MRTFB: variants seen among roughly 807,000 people sequenced by gnomAD.
MRTFB encodes myocardin-related transcription factor B.
In MRTFB, 29 loss-of-function variants were observed where a neutral mutation model predicts 104.2. The observed-to-expected ratio is 0.28, with a 90% CI of 0.21 to 0.38. The LOEUF is 0.38. Ranked by LOEUF, MRTFB falls within the 10% of genes least tolerant of loss-of-function variation. The probability of loss-of-function intolerance (pLI) is 1.00; values close to 1 mark genes in which losing one functional copy is unlikely to be tolerated. For missense variants in MRTFB, 1,270 were observed against 1,341.6 expected (o/e 0.95, Z 0.83); for synonymous variants, 535 against 519.5 (o/e 1.03, Z -0.41).
chr16:14,003,623 G>GGCCGGCCTGCCTGCCTGCCT, the MRTFB span, among the ~76,000 whole-genome samples: 20 of 85,436 alleles, frequency 2.3e-4, no homozygotes, highest in African/African-American at 5.9e-4. Context: ...GGGGCCGGCC[G>GGCCGGCCTGCCTGCCTGCCT]GCCTGCCTGC....
At chr16:14,104,943 T>C (rs1307972260) in intron 2 of MRTFB, among the ~76,000 whole-genome samples, 5 of 152,186 alleles carry the variant, frequency 3.3e-5, no homozygotes, top group Non-Finnish European at 5.9e-5. Context: ...TCTGCTTCGT[T>C]ATCCTTGTTA....
At chr16:14,047,724 T>C in the MRTFB span, among the ~76,000 whole-genome samples, 1 of 152,146 alleles carries the variant, frequency 6.6e-6, no homozygotes, top group East Asian at 1.9e-4. Flanking sequence ...GAGAACAGTA[T>C]GGGGGAACCA....
At chr16:14,245,379 T>G in intron 10 of MRTFB, 149 bp from the exon 11 acceptor site, 1 of 632,622 alleles carries the variant, frequency 1.6e-6, no homozygotes, top group East Asian at 2.9e-5. Context: ...CATTGAGATC[T>G]AATGTAATTG....
At chr16:14,222,331 G>A (rs1427513571) in intron 8 of MRTFB, among the ~76,000 whole-genome samples, 5 of 152,064 alleles carry the variant, frequency 3.3e-5, no homozygotes, top group Non-Finnish European at 7.4e-5. Context: ...CCAACCTACA[G>A]CCCACAGGCT....
chr16:14,240,551 TACCA>T (rs1567206080), intron 10 of MRTFB, 67 bp downstream of exon 10: 1 of 1,610,240 alleles, frequency 6.2e-7, no homozygotes, highest in Middle Eastern at 1.7e-4. Context: ...AACTATAAGT[TACCA>T]AAAGTTGAAT....
At chr16:14,105,570 A>T (rs1206044456) in intron 2 of MRTFB, among the ~76,000 whole-genome samples, 2 of 151,894 alleles carry the variant, frequency 1.3e-5, no homozygotes, top group African/African-American at 2.4e-5. Flanking sequence ...GCTAATTTTT[A>T]AAATTTTTTG....
chr16:14,129,295 T>G (rs1042733744), intron 2 of MRTFB, among the ~76,000 whole-genome samples: 1 of 114,302 alleles, frequency 8.7e-6, no homozygotes, highest in African/African-American at 7.5e-5. Flanking sequence ...ATTCACTTAT[T>G]TAAAGTATAA....
At chr16:14,162,337 C>G (rs972738452) in intron 3 of MRTFB, among the ~76,000 whole-genome samples, 5 of 150,616 alleles carry the variant, frequency 3.3e-5, no homozygotes, top group Non-Finnish European at 7.4e-5. Flanking sequence ...GTTTCCCCCT[C>G]TCTTTCCCCA....
At chr16:14,021,795 C>A in the MRTFB span, among the ~76,000 whole-genome samples, 1 of 152,092 alleles carries the variant, frequency 6.6e-6, no homozygotes, top group Admixed American at 6.6e-5. Context: ...TCGTATATAC[C>A]ACAGTTTCTT....
chr16:14,260,071 C>A (rs897289473), intron 16 of MRTFB, among the ~76,000 whole-genome samples: 7 of 152,198 alleles, frequency 4.6e-5, no homozygotes, highest in African/African-American at 1.4e-4. Flanking sequence ...TTAGTGAACG[C>A]CAGTATTTAT....
chr16:14,150,854 A>G (rs937412125), intron 3 of MRTFB: 2 of 152,190 alleles, frequency 1.3e-5, no homozygotes, highest in African/African-American at 4.8e-5. Context: ...TTCTAATGTC[A>G]TGACTTTTTT....
At chr16:14,250,324 G>C (rs193019554) in intron 13 of MRTFB, among the ~76,000 whole-genome samples, 1 of 152,156 alleles carries the variant, frequency 6.6e-6, no homozygotes, top group South Asian at 2.1e-4. Flanking sequence ...GGTATAGAAC[G>C]TGTTAAGTAT....
chr16:14,113,305 G>C, intron 2 of MRTFB, among the ~76,000 whole-genome samples: 1 of 152,300 alleles, frequency 6.6e-6, no homozygotes, highest in East Asian at 1.9e-4. Context: ...TGGCCTCCCA[G>C]AGTGCTGGGA....
At chr16:14,259,125 T>C (rs535621187) in intron 16 of MRTFB, among the ~76,000 whole-genome samples, 197 of 152,344 alleles carry the variant, frequency 1.3e-3, no homozygotes, top group South Asian at 6.4e-3. Context: ...CTAAGAATTA[T>C]ATTGGCCTTA....
chr16:14,170,818 A>G (rs934105287), intron 3 of MRTFB, among the ~76,000 whole-genome samples: 1 of 152,194 alleles, frequency 6.6e-6, no homozygotes, highest in African/African-American at 2.4e-5. Context: ...AAAGTATTTT[A>G]CAGTATTCTG....
intron 1 of MRTFB, among the ~76,000 whole-genome samples, chr16:14,073,313 C>G (rs909796640): frequency 6.6e-6 from 1 of 152,228 alleles, no homozygotes; most frequent in Non-Finnish European, 1.5e-5. Flanking sequence ...CCCCCAAACC[C>G]TAAATGCCAG....
At chr16:14,246,138 G>A (rs2043004233) in intron 11 of MRTFB, among the ~76,000 whole-genome samples, 1 of 152,144 alleles carries the variant, frequency 6.6e-6, no homozygotes, top group Non-Finnish European at 1.5e-5. Context: ...GAAGATGAGT[G>A]GAAAGAGTAG....
the MRTFB span, among the ~76,000 whole-genome samples, chr16:14,036,505 T>C: frequency 1.9e-3 from 280 of 148,710 alleles, 1 homozygote; most frequent in African/African-American, 6.6e-3. Context: ...TGTTGAAATA[T>C]ATACATTCCA....
chr16:14,023,636 T>TACATAC, the MRTFB span, among the ~76,000 whole-genome samples: 1 of 149,624 alleles, frequency 6.7e-6, no homozygotes, highest in Admixed American at 6.6e-5. Context: ...CATATACATA[T>TACATAC]ACATATACAT....
Sources: gnomAD v4.1 joint callset for allele counts (sites outside exome capture counted in the v4.1 genomes callset) on GRCh38, gnomAD v4.1.1 for gene constraint, MANE v1.5 for transcripts, NCBI Gene and HGNC (gene_info 2026-07-23, HGNC 2026-07-21) for gene names.